Variants in CHCHD6 observed in about 807,000 individuals in gnomAD.
CHCHD6 encodes MICOS complex subunit MIC25.
In CHCHD6, 28 loss-of-function variants were observed where a neutral mutation model predicts 32.3. The observed-to-expected ratio is 0.87, with a 90% CI of 0.64 to 1.19. CHCHD6 has a LOEUF of 1.19. CHCHD6 is among the 50% of genes most tolerant of loss of function. CHCHD6 has a pLI of 0.00. For synonymous variants in CHCHD6, 122 were observed against 117.5 expected (o/e 1.04, Z -0.25); for missense variants, 333 against 307.0 (o/e 1.08, Z -0.63).
intron 5 of CHCHD6, among the ~76,000 whole-genome samples, chr3:126,882,537 TTGA>T (rs149201844): frequency 1.8e-3 from 276 of 152,354 alleles, no homozygotes; most frequent in African/African-American, 6.3e-3. Flanking sequence ...GAATCATCTG[TTGA>T]TGATAATAAT....
chr3:126,917,756 T>C (rs1488761150), intron 6 of CHCHD6, among the ~76,000 whole-genome samples: 1 of 152,050 alleles, frequency 6.6e-6, no homozygotes, highest in Admixed American at 6.5e-5. Flanking sequence ...GGAGGCCTCA[T>C]GGGTGGGATT....
intron 4 of CHCHD6, among the ~76,000 whole-genome samples, chr3:126,751,867 G>T (rs1936737922): frequency 6.6e-6 from 1 of 152,176 alleles, no homozygotes; most frequent in South Asian, 2.1e-4. Flanking sequence ...AGCAGCACCA[G>T]GTGCACAGCA....
chr3:126,806,941 C>T lies in CHCHD6; in HGVS notation c.412-45706C>T, dbSNP rs191365710. The stretch of plus-strand genomic sequence containing the variant: ...GAAATCATCATTCTCAGTAAGCTAT[C>T]GCAAGGACAAAAAACGAAACACCGC... On this transcript the variant is annotated intron_variant, in intron 4 of 7. Coordinates refer to ENST00000290913, the MANE Select transcript of CHCHD6 (RefSeq NM_032343.3). 8.1e-3 allele frequency among the ~76,000 whole-genome samples: 1,224 copies of T among 150,460 alleles called. 13 individuals are homozygous for T. Among genetic ancestry groups the T allele is most frequent in the Non-Finnish European group, 0.011 (754 of 67,838 alleles).
chr3:126,924,448 A>G (rs2078295783), intron 6 of CHCHD6, among the ~76,000 whole-genome samples: 1 of 152,248 alleles, frequency 6.6e-6, no homozygotes, highest in Non-Finnish European at 1.5e-5. Context: ...TTAAAAATTA[A>G]CAAGACTACA....
intron 5 of CHCHD6, among the ~76,000 whole-genome samples, chr3:126,877,819 C>T (rs73205624): frequency 7.9e-5 from 12 of 152,128 alleles, no homozygotes; most frequent in Admixed American, 3.9e-4. Context: ...TTACCATTGG[C>T]GGAAGGTACA....
At chr3:126,916,629 G>A (rs923567677) in intron 6 of CHCHD6, among the ~76,000 whole-genome samples, 13 of 152,170 alleles carry the variant, frequency 8.5e-5, no homozygotes, top group African/African-American at 2.9e-4. Flanking sequence ...TGCAGGGTAT[G>A]AGCCACCCCA....
intron 5 of CHCHD6, among the ~76,000 whole-genome samples, chr3:126,881,574 C>T (rs1388516514): frequency 2.0e-5 from 3 of 152,124 alleles, no homozygotes; most frequent in African/African-American, 7.2e-5. Flanking sequence ...AGAAATTAAT[C>T]ACTAATACCA....
intron 6 of CHCHD6, among the ~76,000 whole-genome samples, chr3:126,954,856 G>C (rs917011789): frequency 6.6e-6 from 1 of 152,236 alleles, no homozygotes; most frequent in Non-Finnish European, 1.5e-5. Flanking sequence ...TGACAAGAGA[G>C]AGCCCAGGGA....
chr3:126,755,669 A>G (rs1342559004), intron 4 of CHCHD6, among the ~76,000 whole-genome samples: 1 of 152,136 alleles, frequency 6.6e-6, no homozygotes, highest in Middle Eastern at 3.2e-3. Context: ...CTATTAGTCT[A>G]AAAAAAGATA....
chr3:126,865,251 T>G (rs1324220973), intron 5 of CHCHD6, among the ~76,000 whole-genome samples: 1 of 146,998 alleles, frequency 6.8e-6, no homozygotes, highest in African/African-American at 2.5e-5. Context: ...CAACTCTACC[T>G]TGACATCTAC....
intron 4 of CHCHD6, among the ~76,000 whole-genome samples, chr3:126,749,137 A>G (rs1481374903): frequency 6.6e-6 from 1 of 152,134 alleles, no homozygotes; most frequent in East Asian, 1.9e-4. Flanking sequence ...AGCTGCCAGC[A>G]AGAAGGGTGT....
At chr3:126,795,843 T>A (rs1212552921) in intron 4 of CHCHD6, among the ~76,000 whole-genome samples, 5 of 152,160 alleles carry the variant, frequency 3.3e-5, no homozygotes, top group Admixed American at 6.5e-5. Flanking sequence ...GAAGCCAGAA[T>A]GGTTTACTTA....
intron 4 of CHCHD6, among the ~76,000 whole-genome samples, chr3:126,769,771 G>T (rs2107676305): frequency 6.6e-6 from 1 of 152,248 alleles, no homozygotes; most frequent in South Asian, 2.1e-4. Context: ...CTCCCAAAGT[G>T]CTGAGATTAC....
intron 5 of CHCHD6, among the ~76,000 whole-genome samples, chr3:126,905,864 G>T (rs1378278315): frequency 6.6e-6 from 1 of 152,184 alleles, no homozygotes; most frequent in Non-Finnish European, 1.5e-5. Flanking sequence ...AAGCTGGATA[G>T]CTAGTGGTGT....
chr3:126,943,280 T>C (rs777457755), intron 6 of CHCHD6, among the ~76,000 whole-genome samples: 3 of 152,214 alleles, frequency 2.0e-5, no homozygotes, highest in Non-Finnish European at 4.4e-5. Flanking sequence ...CTTTCATTCT[T>C]TGTTTTTTCG....
intron 5 of CHCHD6, among the ~76,000 whole-genome samples, chr3:126,904,281 C>G (rs12635126): frequency 6.6e-6 from 1 of 152,154 alleles, no homozygotes; most frequent in Non-Finnish European, 1.5e-5. Context: ...TGTGCCCTTT[C>G]CAGGAAACTA....
chr3:126,929,118 A>G (rs571881698), intron 6 of CHCHD6, among the ~76,000 whole-genome samples: 3 of 152,340 alleles, frequency 2.0e-5, no homozygotes, highest in Admixed American at 6.5e-5. Flanking sequence ...ATATCTGAAG[A>G]TAACTTTTAT....
intron 6 of CHCHD6, among the ~76,000 whole-genome samples, chr3:126,938,673 G>C (rs376744801): frequency 6.6e-6 from 1 of 152,050 alleles, no homozygotes; most frequent in South Asian, 2.1e-4. Context: ...GTGCTTACTC[G>C]AGAGAACACA....
At chr3:126,820,720 T>C (rs2107536131) in intron 4 of CHCHD6, among the ~76,000 whole-genome samples, 1 of 152,326 alleles carries the variant, frequency 6.6e-6, no homozygotes, top group African/African-American at 2.4e-5. Flanking sequence ...ATATGCGCTT[T>C]TAGCTTTAGT....
Sources: gnomAD v4.1 joint callset for allele counts (sites outside exome capture counted in the v4.1 genomes callset) on GRCh38, gnomAD v4.1.1 for gene constraint, MANE v1.5 for transcripts, NCBI Gene and HGNC (gene_info 2026-07-23, HGNC 2026-07-21) for gene names.